NUP210L: variants seen among roughly 807,000 people sequenced by gnomAD.
NUP210L encodes nucleoporin 210 like.
In NUP210L, 74 loss-of-function variants were observed where a neutral mutation model predicts 208.5. That is an observed-to-expected ratio of 0.35 (90% CI 0.29 to 0.43). The LOEUF (loss-of-function observed/expected upper bound fraction) is 0.43. Ranked by LOEUF, NUP210L falls within the 20% of genes least tolerant of loss-of-function variation. NUP210L has a pLI of 1.00. For missense variants in NUP210L, 1,843 were observed against 2,289.4 expected (o/e 0.81, Z 3.98); for synonymous variants, 780 against 816.9 (o/e 0.95, Z 0.77).
chr1:154,136,717 G>A (rs1287585832), intron 6 of NUP210L, among the ~76,000 whole-genome samples: 3 of 151,394 alleles, frequency 2.0e-5, no homozygotes, highest in Non-Finnish European at 4.4e-5. Context: ...TCAGGAGTTC[G>A]AGACCAGCCT....
chr1:154,122,637 A>G (rs1284126520), intron 10 of NUP210L, among the ~76,000 whole-genome samples: 1 of 152,180 alleles, frequency 6.6e-6, no homozygotes, highest in African/African-American at 2.4e-5. Flanking sequence ...TCTGGGAAAC[A>G]GAGCAAAACT....
At chr1:154,033,754 T>C (rs1652379355) in intron 27 of NUP210L, among the ~76,000 whole-genome samples, 1 of 152,158 alleles carries the variant, frequency 6.6e-6, no homozygotes, top group African/African-American at 2.4e-5. Flanking sequence ...TCCATATAAC[T>C]TTTACAATTA....
At chr1:154,006,565 C>T (rs1307758461) in intron 35 of NUP210L, among the ~76,000 whole-genome samples, 1 of 151,806 alleles carries the variant, frequency 6.6e-6, no homozygotes, top group African/African-American at 2.4e-5. Context: ...ACGATCTCGG[C>T]TCACTGCAAC....
At chr1:153,999,574 C>CT in intron 37 of NUP210L, among the ~76,000 whole-genome samples, 1 of 151,570 alleles carries the variant, frequency 6.6e-6, no homozygotes, top group East Asian at 2.0e-4. Context: ...CCCATTTCTA[C>CT]AAAAATACAA....
At chr1:154,084,990 T>C (rs1227926119) in intron 16 of NUP210L, among the ~76,000 whole-genome samples, 1 of 146,002 alleles carries the variant, frequency 6.8e-6, no homozygotes, top group Non-Finnish European at 1.5e-5. Flanking sequence ...CCTTAGATGA[T>C]CCACCCAATT....
chr1:154,089,557 A>G, exon 16 of NUP210L: 1 of 1,614,216 alleles, frequency 6.2e-7, no homozygotes, highest in South Asian at 1.1e-5. Flanking sequence ...ACTAGGGTTC[A>G]GGACACCTGG....
At chr1:154,118,839 T>G (rs1438440692) in intron 10 of NUP210L, 31 bp from the exon 11 acceptor site, 1 of 1,390,366 alleles carries the variant, frequency 7.2e-7, no homozygotes, top group Non-Finnish European at 1.0e-6. Context: ...GAGCAAAATA[T>G]ATTTATAAGG....
chr1:154,019,200 A>G, intron 32 of NUP210L, 131 bp from the exon 33 acceptor site: 2 of 815,712 alleles, frequency 2.5e-6, no homozygotes, highest in Non-Finnish European at 3.8e-6. Context: ...GCCAGCTTTG[A>G]AGATAACTGT....
At chr1:154,078,071 G>T (rs1267420084) in intron 16 of NUP210L, among the ~76,000 whole-genome samples, 2 of 151,806 alleles carry the variant, frequency 1.3e-5, no homozygotes, top group Non-Finnish European at 1.5e-5. Flanking sequence ...TTGGGAGGTC[G>T]AGGTGGGCGG....
Position 154,111,064 on chromosome 1 carries a change from A to G in NUP210L, c.1620+6661T>C, listed in dbSNP as rs183560984. The stretch of plus-strand genomic sequence containing the variant: ...CTTTAGCCAGACTAAAAAAAAAAAA[A>G]AGAGAGAGAGAGAGATGACCCAAAT... On this transcript the variant is annotated intron_variant, in intron 12 of 39. Coordinates refer to ENST00000368559, the Ensembl canonical transcript of NUP210L. Among the ~76,000 whole-genome samples, 175 of 150,732 alleles carry G rather than the reference A, an allele frequency of 1.2e-3. 5 individuals carry two copies. Among genetic ancestry groups the G allele is most frequent in the South Asian group, 3.7e-3 (18 of 4,810 alleles).
chr1:154,046,058 C>T lies in NUP210L; in HGVS notation c.3696+11G>A. 6.2e-7 allele frequency: 1 copy of T among 1,610,956 alleles called. No individual in the cohort carries two copies. The highest frequency in any genetic ancestry group is 1.7e-5 in the Admixed American group (1 of 59,322). ...TCCCTAAGATAACACAATAAACAGG[C>T]AAATTCTTACCTCTGAATGCCTGGG... On this transcript the variant is annotated intron_variant, in intron 27 of 39. Coordinates refer to ENST00000368559, the Ensembl canonical transcript of NUP210L.
intron 16 of NUP210L, among the ~76,000 whole-genome samples, chr1:154,084,623 G>A (rs1441603782): frequency 6.6e-6 from 1 of 151,220 alleles, no homozygotes; most frequent in African/African-American, 2.4e-5. Flanking sequence ...TTGAGACCAG[G>A]TTACAAGACT....
chr1:154,118,290 C>A (rs1414000471), intron 11 of NUP210L, among the ~76,000 whole-genome samples: 1 of 150,966 alleles, frequency 6.6e-6, no homozygotes, highest in Non-Finnish European at 1.5e-5. Context: ...GCCTGGGCAA[C>A]AAGAGCAAAA....
At chr1:154,081,461 G>T (rs1289057616) in intron 16 of NUP210L, among the ~76,000 whole-genome samples, 1 of 152,102 alleles carries the variant, frequency 6.6e-6, no homozygotes, top group Non-Finnish European at 1.5e-5. Context: ...ATTTATGGTG[G>T]CCCCCTTGGA....
intron 29 of NUP210L, 118 bp from the exon 30 acceptor site, chr1:154,025,834 C>G: frequency 1.3e-6 from 1 of 746,606 alleles, no homozygotes; most frequent in South Asian, 2.1e-5. Context: ...GCTTGCCATT[C>G]TCCACGTGTG....
exon 28 of NUP210L, chr1:154,029,899 G>A: frequency 6.2e-7 from 1 of 1,604,446 alleles, no homozygotes; most frequent in Non-Finnish European, 8.5e-7. Flanking sequence ...AGCTTACCAG[G>A]ATCTGTACTT....
intron 17 of NUP210L, 76 bp downstream of exon 17, chr1:154,070,197 A>AAAAAC (rs1003958607): frequency 3.0e-5 from 39 of 1,280,190 alleles, no homozygotes; most frequent in South Asian, 2.1e-4. Context: ...ACTTAAAGCA[A>AAAAAC]AAAACAAAAC....
intron 37 of NUP210L, chr1:153,995,569 C>T (rs933308172): frequency 1.1e-5 from 8 of 724,450 alleles, no homozygotes; most frequent in Non-Finnish European, 1.8e-5. Context: ...AAATCCTCTG[C>T]TACTTTAAAA....
intron 16 of NUP210L, among the ~76,000 whole-genome samples, chr1:154,071,072 AGTTTTTTGTTTTGTTTT>A (rs1281452589): frequency 1.4e-5 from 2 of 148,108 alleles, no homozygotes; most frequent in African/African-American, 2.5e-5. Context: ...AGTCCAGGCC[AGTTTTTTGTTTTGTTTT>A]GTTTTTTGTT....
Sources: allele counts gnomAD v4.1 joint callset (sites outside exome capture counted in the v4.1 genomes callset), GRCh38; gene constraint gnomAD v4.1.1; transcripts MANE v1.5; gene names NCBI Gene and HGNC (gene_info 2026-07-23, HGNC 2026-07-21).